Variants in PHLDB2 observed in about 807,000 individuals in gnomAD.
PHLDB2 encodes pleckstrin homology like domain family B member 2.
A neutral mutation model predicts 123.6 loss-of-function variants in PHLDB2; 71 were observed. The observed-to-expected ratio is 0.57, with a 90% CI of 0.47 to 0.70. PHLDB2 has a LOEUF of 0.70. Ranked by LOEUF, PHLDB2 falls within the 30% of genes least tolerant of loss-of-function variation. The probability of loss-of-function intolerance (pLI) is 0.00; values close to 1 mark genes in which losing one functional copy is unlikely to be tolerated. For missense variants in PHLDB2, 1,446 were observed against 1,519.5 expected (o/e 0.95, Z 0.80); for synonymous variants, 547 against 541.6 (o/e 1.01, Z -0.14).
intron 1 of PHLDB2, among the ~76,000 whole-genome samples, chr3:111,837,616 A>T (rs556193911): frequency 5.9e-5 from 9 of 152,342 alleles, no homozygotes; most frequent in African/African-American, 2.2e-4. Flanking sequence ...CATCATTTCC[A>T]AAACTCCTTA....
Position 111,969,606 on chromosome 3 carries a change from A to G in PHLDB2, c.3316-84A>G, listed in dbSNP as rs1577227714. 5.6e-6 allele frequency: 6 copies of G among 1,079,208 alleles called. 1 individual carries two copies. In the East Asian group the frequency reaches 7.1e-5, roughly 13 times the overall value. The allele number at this position is 1,079,208 out of a possible 1,614,324, so 66.9% of individuals were successfully genotyped here. A position where few individuals can be genotyped will look rare whatever the true frequency, so the allele number is the denominator to read the frequency against. The stretch of plus-strand genomic sequence containing the variant: ...AGGCATTTTAAAGCTTAGGTTTTAC[A>G]GTTAATTTCTGCTTCTAAACATCTG... On this transcript the variant is annotated intron_variant, in intron 15 of 17. Coordinates refer to ENST00000431670, the MANE Select transcript of PHLDB2 (RefSeq NM_001134438.2).
chr3:111,854,745 A>C (rs763997064), upstream of PHLDB2, among the ~76,000 whole-genome samples: 1 of 152,254 alleles, frequency 6.6e-6, no homozygotes, highest in African/African-American at 2.4e-5. Context: ...CTGAAAAGCC[A>C]AAGAAAGAGG....
chr3:111,770,874 T>C (rs1244026391), intron 1 of PHLDB2, among the ~76,000 whole-genome samples: 1 of 152,204 alleles, frequency 6.6e-6, no homozygotes, highest in African/African-American at 2.4e-5. Context: ...TCTGACCACC[T>C]GCAGAGAAGA....
chr3:111,974,237 G>C (rs148415746), intron 17 of PHLDB2, among the ~76,000 whole-genome samples, 186 bp from the exon 18 acceptor site: 3 of 152,154 alleles, frequency 2.0e-5, no homozygotes, highest in Non-Finnish European at 4.4e-5. Context: ...GAGATTTCCT[G>C]TTCAGAAAAA....
intron 8 of PHLDB2, among the ~76,000 whole-genome samples, chr3:111,943,613 G>T (rs973933460): frequency 1.5e-4 from 23 of 152,082 alleles, no homozygotes; most frequent in African/African-American, 5.5e-4. Flanking sequence ...ACCAAAGAAC[G>T]TATATGAAGA....
In PHLDB2 at chr3:111,920,334, A is replaced by G. The variant is rs2068427223; in HGVS notation, c.1916A>G (p.Glu639Gly). 6.2e-7 allele frequency: 1 copy of G among 1,613,954 alleles called. No homozygotes were observed. Among genetic ancestry groups the G allele is most frequent in the African/African-American group, 1.3e-5 (1 of 74,936 alleles). ...GGAGAACAGAAATCTGAAACAACTG[A>G]ACTTATGAAGGAGAAGGAGATTTTG... Reference protein sequence around the residue: ...LDGEQKSETTELMKEKEILDH... With the variant: ...LDGEQKSETTGLMKEKEILDH... The change falls in exon 5 of 18, where the codon GAA (glutamate) becomes GGA (glycine). Residue 639 changes from glutamate to glycine, a missense_variant. By Grantham distance (98) the Glu-to-Gly change is moderately conservative (BLOSUM62 -2). Around this residue, in one of 3 missense-constraint regions of PHLDB2, gnomAD observed 832 missense variants for 831.9 expected, o/e 1.00. Transcript: ENST00000431670.
At chr3:111,742,280 G>C (rs1321548318) in intron 1 of PHLDB2, among the ~76,000 whole-genome samples, 2 of 152,000 alleles carry the variant, frequency 1.3e-5, no homozygotes, top group Non-Finnish European at 2.9e-5. Context: ...TAGCATGTTA[G>C]AATCAAATAT....
chr3:111,932,542 A>G (rs750380151), intron 6 of PHLDB2, 145 bp downstream of exon 6: 11 of 792,646 alleles, frequency 1.4e-5, no homozygotes, highest in Non-Finnish European at 2.1e-5. Context: ...GGAAATATGC[A>G]TGCTAACAGT....
chr3:111,880,716 C>T (rs530326929), intron 1 of PHLDB2, among the ~76,000 whole-genome samples: 3 of 150,754 alleles, frequency 2.0e-5, no homozygotes, highest in South Asian at 2.1e-4. Context: ...ATTTTTTCTG[C>T]GTTAAAAACC....
chr3:111,895,857 A>AAATCTATCTATCT (rs1553746617), intron 2 of PHLDB2, among the ~76,000 whole-genome samples: 1 of 96,086 alleles, frequency 1.0e-5, no homozygotes, highest in African/African-American at 3.2e-5. Context: ...AAAAAAAAAA[A>AAATCTATCTATCT]ATCTATCTAT....
At chr3:111,936,583 C>T (rs2107587357) in intron 6 of PHLDB2, among the ~76,000 whole-genome samples, 1 of 152,292 alleles carries the variant, frequency 6.6e-6, no homozygotes, top group East Asian at 1.9e-4. Flanking sequence ...TAATTTTCAA[C>T]TTTCTTACTT....
chr3:111,747,477 C>T (rs2059699063), intron 1 of PHLDB2, among the ~76,000 whole-genome samples: 1 of 152,106 alleles, frequency 6.6e-6, no homozygotes, highest in South Asian at 2.1e-4. Flanking sequence ...TTTAAGGACA[C>T]TACAGAGCCA....
Position 111,952,222 on chromosome 3 carries a change from G to A in PHLDB2, c.2632-350G>A, listed in dbSNP as rs560118982. Among the ~76,000 whole-genome samples, 10 of 152,192 alleles carry A rather than the reference G, an allele frequency of 6.6e-5. No homozygotes were observed. In the East Asian group the frequency reaches 1.4e-3, roughly 21 times the overall value. The stretch of plus-strand genomic sequence containing the variant: ...TCTGTGTCATCACACAGAACTGCCC[G>A]GAAGGGGAGAAAGTGCTTACGTGCT... On this transcript the variant is annotated intron_variant, in intron 10 of 17. Transcript: ENST00000431670.
intron 1 of PHLDB2, among the ~76,000 whole-genome samples, chr3:111,844,182 C>T (rs1174055174): frequency 6.6e-6 from 1 of 152,204 alleles, no homozygotes; most frequent in Admixed American, 6.5e-5. Flanking sequence ...TTTCCTAGAT[C>T]TTTAACATCT....
intron 1 of PHLDB2, among the ~76,000 whole-genome samples, chr3:111,742,967 C>T (rs982814669): frequency 1.3e-5 from 2 of 152,026 alleles, no homozygotes; most frequent in African/African-American, 4.8e-5. Context: ...AGAAAATGAA[C>T]CAATAAAGGA....
intron 12 of PHLDB2, among the ~76,000 whole-genome samples, chr3:111,956,262 A>G (rs1001340561): frequency 5.3e-5 from 8 of 152,222 alleles, no homozygotes; most frequent in African/African-American, 1.2e-4. Context: ...ATAGTAAATA[A>G]ATAGATTAGC....
intron 3 of PHLDB2, among the ~76,000 whole-genome samples, chr3:111,918,753 C>A (rs1057099816): frequency 2.8e-4 from 43 of 152,318 alleles, no homozygotes; most frequent in African/African-American, 9.6e-4. Context: ...TTCTCTATAA[C>A]CTTGGAGAAG....
At chr3:111,761,836 A>G (rs573190319) in intron 1 of PHLDB2, among the ~76,000 whole-genome samples, 19 of 152,184 alleles carry the variant, frequency 1.2e-4, no homozygotes, top group South Asian at 4.1e-4. Flanking sequence ...TGACTGGTTT[A>G]TTTACCTGGA....
chr3:111,803,440 G>A (rs193172972), intron 1 of PHLDB2, among the ~76,000 whole-genome samples: 7 of 152,006 alleles, frequency 4.6e-5, no homozygotes, highest in Non-Finnish European at 8.8e-5. Flanking sequence ...CCACCACCCC[G>A]TGCAGAACTC....
Sources: gnomAD v4.1 joint callset for allele counts (sites outside exome capture counted in the v4.1 genomes callset) on GRCh38, gnomAD v4.1.1 for gene constraint, gnomAD v4.1.1 regional missense constraint, MANE v1.5 for transcripts, NCBI Gene and HGNC (gene_info 2026-07-23, HGNC 2026-07-21) for gene names.